Variants in CCDC122 observed in about 807,000 individuals in gnomAD.
CCDC122 encodes the protein coiled-coil domain-containing protein 122.
In CCDC122, 38 loss-of-function variants were observed where a neutral mutation model predicts 37.0. The ratio of observed to expected loss-of-function variants is 1.03; its 90% CI spans 0.79 to 1.35. The LOEUF (loss-of-function observed/expected upper bound fraction) is 1.35, where lower values mean the gene tolerates loss of function less well. Ranked by LOEUF, CCDC122 falls within the 40% of genes most tolerant of loss-of-function variation. The pLI, the probability that CCDC122 is intolerant of heterozygous loss-of-function variation, is 0.00. For synonymous variants in CCDC122, 83 were observed against 95.6 expected, an observed-to-expected ratio of 0.87 and a Z score of 0.77; for missense variants, 305 against 310.0, an observed-to-expected ratio of 0.98 and a Z score of 0.12.
At chr13:43,846,733 GCTC>G (rs1359964670) in intron 6 of CCDC122, among the ~76,000 whole-genome samples, 12 of 152,144 alleles carry the variant, frequency 7.9e-5, no homozygotes, top group African/African-American at 2.9e-4. Context: ...TCCCAACTGT[GCTC>G]CTTGGAATTT....
chr13:43,865,385 T>C (rs1954244560), intron 4 of CCDC122, among the ~76,000 whole-genome samples: 1 of 152,138 alleles, frequency 6.6e-6, no homozygotes, highest in South Asian at 2.1e-4. Flanking sequence ...TACTCCCTCC[T>C]TATCCAAGGG....
chr13:43,865,471 T>C (rs928009104), intron 4 of CCDC122, among the ~76,000 whole-genome samples: 1 of 152,168 alleles, frequency 6.6e-6, no homozygotes, highest in Non-Finnish European at 1.5e-5. Context: ...TGTTTTTTTT[T>C]CCTATACATA....
chr13:43,877,127 G>A (rs1954633096), intron 1 of CCDC122, among the ~76,000 whole-genome samples: 1 of 152,108 alleles, frequency 6.6e-6, no homozygotes, highest in Non-Finnish European at 1.5e-5. Context: ...AAATTACAAA[G>A]TATAAATCTG....
chr13:43,853,115 A>G (rs941959226), intron 6 of CCDC122, among the ~76,000 whole-genome samples: 4 of 151,932 alleles, frequency 2.6e-5, no homozygotes, highest in Non-Finnish European at 5.9e-5. Flanking sequence ...TCATGATGAC[A>G]GGATCAAATC....
intron 3 of CCDC122, 41 bp downstream of exon 3, chr13:43,869,290 C>T (rs748267723): frequency 1.2e-5 from 18 of 1,465,726 alleles, no homozygotes; most frequent in Admixed American, 1.7e-5. Context: ...TTTGTTGTTG[C>T]TGATCTTTTA....
At chr13:43,827,218 A>G (rs923678863) in intron 3 of CCDC122, among the ~76,000 whole-genome samples, 8 of 152,198 alleles carry the variant, frequency 5.3e-5, no homozygotes, top group Non-Finnish European at 1.2e-4. Context: ...GTATCATTAC[A>G]TTTTCCAGAA....
At chr13:43,834,558 C>T (rs1424074270), downstream of CCDC122, among the ~76,000 whole-genome samples, 1 of 152,180 alleles carries the variant, frequency 6.6e-6, no homozygotes, top group Non-Finnish European at 1.5e-5. Context: ...GCAATCTACT[C>T]ATCTGACAAA....
chr13:43,851,018 A>G (rs1219791331), intron 6 of CCDC122, among the ~76,000 whole-genome samples: 1 of 152,224 alleles, frequency 6.6e-6, no homozygotes, highest in African/African-American at 2.4e-5. Context: ...TTGCACTAGA[A>G]ATCACAGAGA....
intron 1 of CCDC122, among the ~76,000 whole-genome samples, chr13:43,877,221 G>A (rs1954637086): frequency 6.6e-6 from 1 of 152,184 alleles, no homozygotes; most frequent in Non-Finnish European, 1.5e-5. Flanking sequence ...GATGGTTTAT[G>A]GGTACGGTTT....
At chr13:43,827,129 G>T (rs550146055) in intron 3 of CCDC122, among the ~76,000 whole-genome samples, 2 of 152,050 alleles carry the variant, frequency 1.3e-5, no homozygotes, top group Non-Finnish European at 2.9e-5. Context: ...ATGGTTCAAA[G>T]TATTTATAAT....
At chr13:43,839,146 T>C (rs1437673373) in intron 6 of CCDC122, among the ~76,000 whole-genome samples, 2 of 152,160 alleles carry the variant, frequency 1.3e-5, no homozygotes, top group Non-Finnish European at 2.9e-5. Flanking sequence ...CAAATCATGG[T>C]GAGGGCTAAA....
At chr13:43,848,982 A>G (rs2153872043) in intron 6 of CCDC122, 2 of 959,826 alleles carry the variant, frequency 2.1e-6, no homozygotes, top group East Asian at 1.1e-4. Flanking sequence ...GGTTACTCAT[A>G]TTAATGATCG....
chr13:43,851,903 T>C (rs762947148), intron 6 of CCDC122, among the ~76,000 whole-genome samples: 1 of 151,318 alleles, frequency 6.6e-6, no homozygotes, highest in Non-Finnish European at 1.5e-5. Flanking sequence ...GTCAGATGAA[T>C]CCACCTAATA....
intron 1 of CCDC122, among the ~76,000 whole-genome samples, chr13:43,875,141 A>G (rs1255325734): frequency 6.6e-6 from 1 of 152,206 alleles, no homozygotes; most frequent in East Asian, 1.9e-4. Flanking sequence ...TCCAAGCTTT[A>G]AAGGATGTCC....
At chr13:43,876,210 G>A (rs2184882) in intron 1 of CCDC122, among the ~76,000 whole-genome samples, 57,487 of 152,008 alleles carry the variant, frequency 0.38, 11,149 homozygotes, top group East Asian at 0.53. Flanking sequence ...GTGCCAATTT[G>A]TTATGCTAGC....
rs1446357031 is a variant in CCDC122, at chr13:43,868,814, A to T, written c.47-11T>A. 1.5e-6 allele frequency: 2 copies of T among 1,329,732 alleles called. No homozygotes were observed. Among genetic ancestry groups the T allele is most frequent in the Non-Finnish European group, 2.0e-6 (2 of 993,006 alleles). 82.4% of individuals were successfully genotyped at this position (1,329,732 alleles called of 1,614,324 possible). On this transcript the variant is annotated splice_polypyrimidine_tract_variant and intron_variant, in intron 3 of 6. Transcript: ENST00000444614. ...TTGTGTCTTGGTTATCTACAATTAG[A>T]CAAAAGAATAAAGTATATAATAAAA...
chr13:43,868,815 C>A lies in CCDC122; in HGVS notation c.47-12G>T. 1 of 1,325,214 alleles carries A rather than the reference C, an allele frequency of 7.5e-7. No homozygotes were observed. The highest frequency in any genetic ancestry group is 2.7e-5 in the East Asian group (1 of 37,464). The allele number at this position is 1,325,214 out of a possible 1,614,324, so 82.1% of individuals were successfully genotyped here. ...TGTGTCTTGGTTATCTACAATTAGA[C>A]AAAAGAATAAAGTATATAATAAAAA... On this transcript the variant is annotated splice_polypyrimidine_tract_variant and intron_variant, in intron 3 of 6. Coordinates refer to ENST00000444614, the MANE Select transcript of CCDC122 (RefSeq NM_144974.5).
intron 3 of CCDC122, 53 bp downstream of exon 3, chr13:43,869,278 T>C (rs1954370825): frequency 7.3e-7 from 1 of 1,379,266 alleles, no homozygotes; most frequent in African/African-American, 1.4e-5. Context: ...CCAGACTACT[T>C]TTTTGTTGTT....
rs118030678 is a variant in CCDC122, at chr13:43,872,821, C to T, written c.-114+2021G>A. On this transcript the variant is annotated intron_variant, in intron 2 of 6. Coordinates refer to ENST00000444614, the MANE Select transcript of CCDC122 (RefSeq NM_144974.5). ...ACAACCACTACCACCACCAACCTTG[C>T]TTGACACCATAACCTCCTTCAGTAC... Among the ~76,000 whole-genome samples, 1,508 of 152,236 alleles carry T rather than the reference C, an allele frequency of 9.9e-3. 7 individuals are homozygous for T. Among genetic ancestry groups the T allele is most frequent in the Middle Eastern group, 0.024 (7 of 294 alleles).
Sources: gnomAD v4.1 joint callset for allele counts (sites outside exome capture counted in the v4.1 genomes callset) on GRCh38, gnomAD v4.1.1 for gene constraint, MANE v1.5 for transcripts, NCBI Gene and HGNC (gene_info 2026-07-23, HGNC 2026-07-21) for gene names.